LGSN: variants seen among roughly 807,000 people sequenced by gnomAD.
LGSN encodes the protein lengsin, lens protein with glutamine synthetase domain.
In LGSN, 21 loss-of-function variants were observed where a neutral mutation model predicts 19.5. That is an observed-to-expected ratio of 1.07 (90% CI 0.76 to 1.55). The LOEUF is 1.55. Ranked by LOEUF, LGSN falls within the 40% of genes most tolerant of loss-of-function variation. LGSN has a pLI of 0.00. For missense variants in LGSN, 673 were observed against 608.5 expected (o/e 1.11, Z -1.12); for synonymous variants, 257 against 215.6 (o/e 1.19, Z -1.68).
the LGSN span, chr6:63,572,138 T>A: frequency 6.6e-6 from 1 of 152,566 alleles, no homozygotes; most frequent in Non-Finnish European, 1.5e-5. Flanking sequence ...TGTGCACTCC[T>A]GGACCGTTTT....
chr6:63,505,891 C>A, the LGSN span, among the ~76,000 whole-genome samples: 1 of 152,146 alleles, frequency 6.6e-6, no homozygotes. Context: ...AACTCCTGAC[C>A]GTCCACCTCA....
chr6:63,394,793 ACTGCCGGGTGCTGG>A, the LGSN span, among the ~76,000 whole-genome samples: 2 of 152,202 alleles, frequency 1.3e-5, no homozygotes, highest in Non-Finnish European at 2.9e-5. Flanking sequence ...CCTGCCCAGG[ACTGCCGGGTGCTGG>A]CTTGCTGTAT....
chr6:63,412,529 G>GAAAGAAGGAAAGAAAGAAAGAAAGAAA, the LGSN span, among the ~76,000 whole-genome samples: 10 of 32,386 alleles, frequency 3.1e-4, no homozygotes, highest in South Asian at 2.5e-3. Context: ...AAAGAAAGAA[G>GAAAGAAGGAAAGAAAGAAAGAAAGAAA]GAAAGAAAGA....
chr6:63,364,542 A>G, the LGSN span, among the ~76,000 whole-genome samples: 1 of 152,196 alleles, frequency 6.6e-6, no homozygotes, highest in African/African-American at 2.4e-5. Flanking sequence ...CAGAAAGTTA[A>G]CAAGGATATC....
the LGSN span, among the ~76,000 whole-genome samples, chr6:63,412,892 GAA>G: frequency 2.1e-5 from 3 of 143,432 alleles, no homozygotes; most frequent in Non-Finnish European, 4.5e-5. Flanking sequence ...AAGAGGGAGA[GAA>G]AGAGAGAGAG....
intron 2 of LGSN, among the ~76,000 whole-genome samples, 174 bp from the exon 3 acceptor site, chr6:63,285,927 C>T (rs902649334): frequency 3.9e-5 from 6 of 152,026 alleles, no homozygotes; most frequent in Non-Finnish European, 5.9e-5. Flanking sequence ...TACCGTCTTC[C>T]CAAGAACACT....
At chr6:63,459,626 A>T in the LGSN span, among the ~76,000 whole-genome samples, 2 of 151,932 alleles carry the variant, frequency 1.3e-5, no homozygotes, top group African/African-American at 4.8e-5. Flanking sequence ...GTTTTGAAGT[A>T]GAACTTCCTT....
the LGSN span, among the ~76,000 whole-genome samples, chr6:63,486,346 G>A: frequency 6.6e-6 from 1 of 152,140 alleles, no homozygotes; most frequent in Non-Finnish European, 1.5e-5. Context: ...CATCCTACCT[G>A]TCAAGCAGCC....
At chr6:63,337,599 T>C in the LGSN span, among the ~76,000 whole-genome samples, 449 of 151,534 alleles carry the variant, frequency 3.0e-3, 3 homozygotes, top group African/African-American at 0.01. Context: ...CTCAGGAGTT[T>C]GAGACCAACC....
intron 3 of LGSN, 31 bp from the exon 4 acceptor site, chr6:63,281,251 T>G: frequency 7.1e-7 from 1 of 1,412,950 alleles, no homozygotes; most frequent in East Asian, 2.6e-5. Flanking sequence ...AGAAATTAGG[T>G]TTTGAAAACA....
chr6:63,440,125 T>A, the LGSN span, among the ~76,000 whole-genome samples: 2,166 of 152,320 alleles, frequency 0.014, 39 homozygotes, highest in African/African-American at 0.05. Context: ...GAGTTTTTTG[T>A]ATGTCAGTAT....
chr6:63,356,043 C>CTATA, the LGSN span, among the ~76,000 whole-genome samples: 976 of 151,870 alleles, frequency 6.4e-3, 7 homozygotes, highest in African/African-American at 0.022. Context: ...CTACGCACAT[C>CTATA]TATATATATA....
rs769306526 is a variant in LGSN, at chr6:63,278,614, A to AT, written c.*1406dup. The AT allele has an allele frequency of 0.026, 3,505 of 133,180 alleles. 59 individuals are homozygous for AT. Among genetic ancestry groups the AT allele is most frequent in the African/African-American group, 0.055 (2,015 of 36,522 alleles). The allele number at this position is 133,180 out of a possible 1,614,324, so 8.2% of individuals were successfully genotyped here. ...ACAGGCATGTGCCACCATGCGAGGCATTTTTTTTTTTTTTTTTGTAGAAAC... is the reference window on the plus strand; with the variant it reads ...ACAGGCATGTGCCACCATGCGAGGCATTTTTTTTTTTTTTTTTTGTAGAAAC... On this transcript the variant is annotated 3_prime_UTR_variant, in exon 4 of 4. Transcript: ENST00000370657.
chr6:63,277,679 C>T lies in LGSN; in HGVS notation c.*2342G>A, dbSNP rs1767138021. On this transcript the variant is annotated 3_prime_UTR_variant, in exon 4 of 4. Transcript: ENST00000370657. ...ACTGTACCCTGTGGAGCAAACCTCC[C>T]TTCCCAAGGACATAATCCTAGCCAC... The T allele has an allele frequency of 6.6e-6, 1 of 152,188 alleles. No individual in the cohort carries two copies. Among genetic ancestry groups the T allele is most frequent in the African/African-American group, 2.4e-5 (1 of 41,430 alleles). 9.4% of individuals were successfully genotyped at this position (152,188 alleles called of 1,614,324 possible).
chr6:63,468,255 A>C, the LGSN span, among the ~76,000 whole-genome samples: 1 of 151,896 alleles, frequency 6.6e-6, no homozygotes, highest in Admixed American at 6.6e-5. Flanking sequence ...CAGCCTCCTG[A>C]GTAGCTGGAT....
At chr6:63,390,581 G>A in the LGSN span, among the ~76,000 whole-genome samples, 1 of 151,700 alleles carries the variant, frequency 6.6e-6, no homozygotes, top group African/African-American at 2.4e-5. Context: ...AATCGGCCAG[G>A]CGCGGTGGCT....
chr6:63,452,353 A>G, the LGSN span, among the ~76,000 whole-genome samples: 3 of 152,068 alleles, frequency 2.0e-5, no homozygotes, highest in African/African-American at 7.2e-5. Flanking sequence ...GGCTGAAGCA[A>G]TACTCCTGCC....
chr6:63,502,871 A>G, the LGSN span, among the ~76,000 whole-genome samples: 1 of 152,226 alleles, frequency 6.6e-6, no homozygotes, highest in Non-Finnish European at 1.5e-5. Flanking sequence ...TCTGAATAAT[A>G]AGGAGCAAGT....
At chr6:63,539,031 T>C in the LGSN span, among the ~76,000 whole-genome samples, 1 of 152,114 alleles carries the variant, frequency 6.6e-6, no homozygotes, top group Non-Finnish European at 1.5e-5. Context: ...TAGCTGGGAT[T>C]ACAGGTGTGC....
Sources: gnomAD v4.1 joint callset for allele counts (sites outside exome capture counted in the v4.1 genomes callset) on GRCh38, gnomAD v4.1.1 for gene constraint, MANE v1.5 for transcripts, NCBI Gene and HGNC (gene_info 2026-07-23, HGNC 2026-07-21) for gene names.